The following CCDC169 variants were observed in gnomAD, a reference collection of about 807,000 sequenced individuals.
The protein encoded by CCDC169 is coiled-coil domain-containing protein 169.
CCDC169 carries 30 observed loss-of-function variants against 36.0 expected under a neutral mutation model. The observed-to-expected ratio is 0.83, with a 90% CI of 0.62 to 1.13. The LOEUF (loss-of-function observed/expected upper bound fraction) is 1.13. Ranked by LOEUF, CCDC169 falls within the 50% of genes most tolerant of loss-of-function variation. CCDC169 has a pLI of 0.00. For missense variants in CCDC169, 245 were observed against 245.9 expected (o/e 1.00, Z 0.03); for synonymous variants, 85 against 81.5 (o/e 1.04, Z -0.23).
At chr13:36,260,971 A>T (rs977123352) in intron 4 of CCDC169, among the ~76,000 whole-genome samples, 7 of 152,278 alleles carry the variant, frequency 4.6e-5, no homozygotes, top group African/African-American at 1.4e-4. Context: ...GCCAACATTC[A>T]CTGAGGGCAG....
At chr13:36,253,325 G>A (rs1158829275) in intron 6 of CCDC169, among the ~76,000 whole-genome samples, 1 of 144,330 alleles carries the variant, frequency 6.9e-6, no homozygotes, top group Non-Finnish European at 1.5e-5. Context: ...TTGGAAAACT[G>A]TTATGTCCTT....
At chr13:36,232,472 A>C (rs1382855894) in intron 7 of CCDC169, among the ~76,000 whole-genome samples, 1 of 152,072 alleles carries the variant, frequency 6.6e-6, no homozygotes, top group Non-Finnish European at 1.5e-5. Flanking sequence ...TGAGGCAAAA[A>C]ATAGGCTAAC....
chr13:36,296,286 G>T (rs933105988), intron 1 of CCDC169, among the ~76,000 whole-genome samples: 3 of 152,098 alleles, frequency 2.0e-5, no homozygotes, highest in South Asian at 4.1e-4. Context: ...AAGAGACAGG[G>T]TTTCACCATA....
At chr13:36,262,445 C>T (rs545715060) in intron 4 of CCDC169, among the ~76,000 whole-genome samples, 1 of 152,264 alleles carries the variant, frequency 6.6e-6, no homozygotes, top group Admixed American at 6.5e-5. Flanking sequence ...TCCTGGTAGT[C>T]TTGGACTCCT....
chr13:36,260,121 T>C (rs965525197), intron 4 of CCDC169, among the ~76,000 whole-genome samples: 1 of 152,246 alleles, frequency 6.6e-6, no homozygotes, highest in Non-Finnish European at 1.5e-5. Flanking sequence ...TATCTAACTG[T>C]TGAGAAGATT....
At chr13:36,258,574 A>G (rs1874215160) in intron 4 of CCDC169, among the ~76,000 whole-genome samples, 1 of 152,212 alleles carries the variant, frequency 6.6e-6, no homozygotes, top group South Asian at 2.1e-4. Flanking sequence ...AGACACTTCT[A>G]TCAGCACCAT....
At chr13:36,247,569 T>C (rs1872659512) in intron 7 of CCDC169, among the ~76,000 whole-genome samples, 1 of 152,152 alleles carries the variant, frequency 6.6e-6, no homozygotes, top group Non-Finnish European at 1.5e-5. Context: ...GGTGCAAGAC[T>C]TCAGTGGAGG....
chr13:36,242,265 C>T (rs534128667), intron 7 of CCDC169, among the ~76,000 whole-genome samples: 2 of 152,182 alleles, frequency 1.3e-5, no homozygotes, highest in Non-Finnish European at 2.9e-5. Flanking sequence ...TCCTTGACAA[C>T]ACTTGGAATC....
At position 36,236,237 on chromosome 13, in the gene CCDC169, T is replaced by G. The variant is rs1451493517; in HGVS notation, c.546-4945A>C. ...ACAATAAAATTGGAGTACTCGCACT[T>G]CTTGATTTTAAACTCACTAAAAAGT... is the stretch of plus-strand genomic sequence containing the variant. On this transcript the variant is annotated intron_variant, in intron 7 of 7. Transcript: ENST00000239859. 2.0e-5 allele frequency among the ~76,000 whole-genome samples: 3 copies of G among 152,192 alleles called. No individual in the cohort carries two copies. In the East Asian group the frequency reaches 5.8e-4, roughly 29 times the overall value.
intron 6 of CCDC169, among the ~76,000 whole-genome samples, chr13:36,253,344 T>C (rs1279744823): frequency 3.3e-5 from 5 of 150,526 alleles, no homozygotes; most frequent in African/African-American, 1.2e-4. Flanking sequence ...TTTTTACTTT[T>C]TTTTTTTTTT....
chr13:36,284,784 C>T (rs960228699), intron 2 of CCDC169, among the ~76,000 whole-genome samples: 1 of 152,212 alleles, frequency 6.6e-6, no homozygotes, highest in African/African-American at 2.4e-5. Flanking sequence ...ACTGCTGCTA[C>T]ATAACAGTTA....
chr13:36,243,150 GC>G (rs1197893038), intron 7 of CCDC169, among the ~76,000 whole-genome samples: 1 of 152,156 alleles, frequency 6.6e-6, no homozygotes, highest in African/African-American at 2.4e-5. Flanking sequence ...TACTCCCTCT[GC>G]CCAAACCTGG....
chr13:36,269,947 A>G (rs1367981630), intron 4 of CCDC169, among the ~76,000 whole-genome samples: 2 of 152,210 alleles, frequency 1.3e-5, no homozygotes. Context: ...AGAGAGAAAT[A>G]AAGGGCATCC....
Position 36,237,445 on chromosome 13 carries a change from C to T in CCDC169, c.546-6153G>A, listed in dbSNP as rs569085854. Among the ~76,000 whole-genome samples the T allele has an allele frequency of 2.6e-5, 4 of 152,074 alleles. No individual in the cohort carries two copies. The East Asian group carries it at 5.8e-4, about 22-fold the overall frequency. ...CAGCAATTCCACTTCTAGGCATGCA[C>T]CAAAGAGAATTAAAAATATTTGCAC... On this transcript the variant is annotated intron_variant, in intron 7 of 7. Transcript: ENST00000239859.
chr13:36,244,291 T>C (rs1031197081), intron 7 of CCDC169, among the ~76,000 whole-genome samples: 6 of 152,344 alleles, frequency 3.9e-5, no homozygotes, highest in African/African-American at 1.4e-4. Context: ...ATGCTGTTTG[T>C]ACAAACAATG....
intron 4 of CCDC169, among the ~76,000 whole-genome samples, chr13:36,265,560 AAATTAAAG>A (rs1875174390): frequency 6.6e-6 from 1 of 152,212 alleles, no homozygotes; most frequent in Non-Finnish European, 1.5e-5. Flanking sequence ...TTAGGCTGGC[AAATTAAAG>A]AGAGCTATGT....
At chr13:36,255,767 A>G (rs1396723511) in intron 4 of CCDC169, among the ~76,000 whole-genome samples, 2 of 151,956 alleles carry the variant, frequency 1.3e-5, no homozygotes, top group Admixed American at 6.6e-5. Flanking sequence ...TGCTTCTCCA[A>G]CATCCCCTCA....
intron 2 of CCDC169, among the ~76,000 whole-genome samples, chr13:36,286,819 T>C (rs960718855): frequency 6.6e-6 from 1 of 152,096 alleles, no homozygotes; most frequent in Non-Finnish European, 1.5e-5. Flanking sequence ...TAAGAGGAGA[T>C]AAACAAGAGA....
chr13:36,246,319 T>C (rs1182775909), intron 7 of CCDC169, among the ~76,000 whole-genome samples: 1 of 152,204 alleles, frequency 6.6e-6, no homozygotes, highest in Non-Finnish European at 1.5e-5. Context: ...AAAGGGAAGA[T>C]TCTTAAAAGA....
Sources: allele counts gnomAD v4.1 joint callset (sites outside exome capture counted in the v4.1 genomes callset), GRCh38; gene constraint gnomAD v4.1.1; transcripts MANE v1.5; gene names NCBI Gene and HGNC (gene_info 2026-07-23, HGNC 2026-07-21).